The following AHCYL2 variants were observed in gnomAD, a reference collection of about 807,000 sequenced individuals.
The protein encoded by AHCYL2 is S-adenosylhomocysteine hydrolase-like protein 2.
A neutral mutation model predicts 81.4 loss-of-function variants in AHCYL2; 28 were observed. The ratio of observed to expected loss-of-function variants is 0.34; its 90% CI spans 0.25 to 0.47. The LOEUF (loss-of-function observed/expected upper bound fraction) is 0.47, where lower values mean the gene tolerates loss of function less well. Ranked by LOEUF, AHCYL2 falls within the 20% of genes least tolerant of loss-of-function variation. The pLI is 1.00. For synonymous variants in AHCYL2, 272 were observed against 290.2 expected, an observed-to-expected ratio of 0.94 and a Z score of 0.64; for missense variants, 551 against 785.1, an observed-to-expected ratio of 0.70 and a Z score of 3.56.
At chr7:129,370,823 G>T (rs191400732) in intron 1 of AHCYL2, among the ~76,000 whole-genome samples, 35 of 152,328 alleles carry the variant, frequency 2.3e-4, no homozygotes, top group Admixed American at 2.2e-3. Context: ...AAATACCTTT[G>T]CTCAGTATTT....
At chr7:129,285,261 C>A (rs1158750423) in intron 1 of AHCYL2, among the ~76,000 whole-genome samples, 2 of 152,154 alleles carry the variant, frequency 1.3e-5, no homozygotes, top group East Asian at 3.8e-4. Flanking sequence ...TCTTTCTCTC[C>A]CATCTGAGGC....
At chr7:129,305,048 C>G (rs1236871365) in intron 1 of AHCYL2, among the ~76,000 whole-genome samples, 3 of 151,532 alleles carry the variant, frequency 2.0e-5, no homozygotes, top group Admixed American at 6.6e-5. Flanking sequence ...TTTGCATATC[C>G]ACTATATGTT....
chr7:129,299,595 A>G (rs1183045512), intron 1 of AHCYL2, among the ~76,000 whole-genome samples: 4 of 151,868 alleles, frequency 2.6e-5, no homozygotes, highest in Admixed American at 1.3e-4. Context: ...GGGTTTCACC[A>G]TGTTAGCTAG....
intron 1 of AHCYL2, among the ~76,000 whole-genome samples, chr7:129,264,257 G>A (rs947083817): frequency 4.6e-5 from 7 of 152,256 alleles, no homozygotes; most frequent in South Asian, 2.1e-4. Context: ...TCCTGACCTC[G>A]TGATCCACCC....
chr7:129,363,747 AG>A (rs1794011715), intron 1 of AHCYL2, among the ~76,000 whole-genome samples: 3 of 152,216 alleles, frequency 2.0e-5, no homozygotes. Context: ...CATGTTGGCC[AG>A]GCTGGTATCA....
Position 129,389,068 on chromosome 7 carries a change from C to T in AHCYL2, c.488C>T (p.Thr163Ile). ...TCTGTCATTCCAGCGGCTTCATATA[C>T]AGATAGCTCTGATGATGAGACATCG... ...TDSYSSAASY[T>I]DSSDDETSPR... Residue 163 changes from threonine (T) to isoleucine (I), a missense_variant, in exon 3 of 17, where the codon ACA becomes ATA. By Grantham distance (89) the Thr-to-Ile change is moderately conservative (BLOSUM62 -1). This residue lies in a region of AHCYL2 where 235 missense variants were observed against 242.1 expected (regional missense o/e 0.97). Transcript: ENST00000325006. 2.5e-6 allele frequency: 4 copies of T among 1,611,624 alleles called. No individual in the cohort carries two copies. Among genetic ancestry groups the T allele is most frequent in the Non-Finnish European group, 3.4e-6 (4 of 1,179,228 alleles).
At chr7:129,282,599 A>G (rs1163530170) in intron 1 of AHCYL2, among the ~76,000 whole-genome samples, 1 of 152,164 alleles carries the variant, frequency 6.6e-6, no homozygotes, top group Non-Finnish European at 1.5e-5. Context: ...AGCTTTTTGA[A>G]TATGGAATAA....
chr7:129,421,997 T>C (rs1383902494), intron 12 of AHCYL2, among the ~76,000 whole-genome samples: 3 of 152,262 alleles, frequency 2.0e-5, no homozygotes, highest in Non-Finnish European at 4.4e-5. Context: ...TTTTATCAAA[T>C]GAGCCAATGG....
intron 5 of AHCYL2, among the ~76,000 whole-genome samples, chr7:129,398,675 G>A (rs986806245): frequency 1.5e-4 from 22 of 151,560 alleles, no homozygotes; most frequent in Admixed American, 4.6e-4. Flanking sequence ...CACCGCACCC[G>A]GCTGCCCCAT....
chr7:129,362,813 T>C (rs1198143412), intron 1 of AHCYL2, among the ~76,000 whole-genome samples: 2 of 152,116 alleles, frequency 1.3e-5, no homozygotes, highest in East Asian at 3.9e-4. Context: ...GTCACATTCT[T>C]GTATTCCTTG....
chr7:129,388,778 A>G (rs535159909), intron 2 of AHCYL2: 44 of 319,338 alleles, frequency 1.4e-4, no homozygotes, highest in Non-Finnish European at 2.3e-4. Context: ...TAATGCTACC[A>G]TGGTGTAACC....
intron 1 of AHCYL2, among the ~76,000 whole-genome samples, chr7:129,313,052 A>G (rs1257180664): frequency 6.6e-6 from 1 of 152,058 alleles, no homozygotes; most frequent in African/African-American, 2.4e-5. Flanking sequence ...TTTGATATTT[A>G]TTGTCTCTCT....
At chr7:129,285,971 C>T (rs1796616741) in intron 1 of AHCYL2, among the ~76,000 whole-genome samples, 1 of 152,032 alleles carries the variant, frequency 6.6e-6, no homozygotes, top group African/African-American at 2.4e-5. Flanking sequence ...CTTGGCCTCC[C>T]TAAGTGCTGG....
rs545738214 is a variant in AHCYL2, at chr7:129,312,360, A to T, written c.364-67278A>T. Among the ~76,000 whole-genome samples the T allele has an allele frequency of 7.9e-5, 12 of 152,334 alleles. 1 individual carries two copies. Among genetic ancestry groups the T allele is most frequent in the African/African-American group, 2.9e-4 (12 of 41,598 alleles). On this transcript the variant is annotated intron_variant, in intron 1 of 16. Coordinates refer to ENST00000325006, the MANE Select transcript of AHCYL2 (RefSeq NM_015328.4). ...TTCAGCCTCCCAAAGTGCTGGGATT[A>T]CAGGCATGAGCCATTGCACCCAGCC...
At chr7:129,304,815 A>G (rs1198546987) in intron 1 of AHCYL2, among the ~76,000 whole-genome samples, 3 of 151,808 alleles carry the variant, frequency 2.0e-5, no homozygotes, top group Non-Finnish European at 2.9e-5. Flanking sequence ...AGATCATTGA[A>G]TCTTGCTTTT....
intron 1 of AHCYL2, among the ~76,000 whole-genome samples, chr7:129,271,192 T>C (rs1360832664): frequency 6.6e-6 from 1 of 151,802 alleles, no homozygotes; most frequent in Non-Finnish European, 1.5e-5. Context: ...AAATCCCGTT[T>C]CTACTAAAAA....
intron 1 of AHCYL2, among the ~76,000 whole-genome samples, chr7:129,313,177 G>T (rs564488565): frequency 6.6e-6 from 1 of 152,328 alleles, no homozygotes; most frequent in South Asian, 2.1e-4. Flanking sequence ...TGAATGAGAG[G>T]TCTGGTGAAT....
intron 2 of AHCYL2, chr7:129,388,776 C>T (rs1795317217): frequency 3.2e-6 from 1 of 312,098 alleles, no homozygotes; most frequent in Non-Finnish European, 5.9e-6. Context: ...CCTAATGCTA[C>T]CATGGTGTAA....
At position 129,413,251 on chromosome 7, in the gene AHCYL2, C is replaced by T. The variant is rs148820726; in HGVS notation, c.1367-343C>T. On this transcript the variant is annotated intron_variant, in intron 11 of 16. Coordinates refer to ENST00000325006, the MANE Select transcript of AHCYL2 (RefSeq NM_015328.4). ...CCACCTCCCGGGTTCATGCCATTCT[C>T]CTGCCTCAGCCTCCTAAGTAGCTGG... Among the ~76,000 whole-genome samples the T allele has an allele frequency of 3.4e-3, 514 of 150,502 alleles. 4 individuals carry two copies. The highest frequency in any genetic ancestry group is 0.012 in the African/African-American group (477 of 40,812).
Sources: gnomAD v4.1 joint callset for allele counts (sites outside exome capture counted in the v4.1 genomes callset) on GRCh38, gnomAD v4.1.1 for gene constraint, gnomAD v4.1.1 regional missense constraint, MANE v1.5 for transcripts, NCBI Gene and HGNC (gene_info 2026-07-23, HGNC 2026-07-21) for gene names.